Variants in FLNA observed in about 807,000 individuals in gnomAD.
FLNA encodes the protein filamin A.
FLNA carries 7 observed loss-of-function variants against 157.6 expected under a neutral mutation model. The observed-to-expected ratio is 0.04, with a 90% confidence interval of 0.03 to 0.08. FLNA has a LOEUF of 0.08. FLNA is among the 10% of genes least tolerant of loss of function. The pLI is 1.00. For synonymous variants in FLNA, 1,103 were observed against 1,060.8 expected (o/e 1.04, Z -0.77); for missense variants, 1,750 against 2,398.4 (o/e 0.73, Z 5.65).
intron 41 of FLNA, 34 bp from the exon 42 acceptor site, chrX:154,352,055 G>A: frequency 8.3e-7 from 1 of 1,210,985 alleles, no homozygotes; most frequent in Non-Finnish European, 1.1e-6. Flanking sequence ...ACTGAAGGCT[G>A]CTTCACCAGC....
rs782255729 is a variant in FLNA, at chrX:154,359,462, G to A, written c.4142+22C>T. 30 of 1,210,366 alleles carry A rather than the reference G, an allele frequency of 2.5e-5. No individual in the cohort carries two copies. The East Asian group carries it at 5.0e-4, about 20-fold the overall frequency. ...GGGTTCCCAGGCCCACCAGCCACAC[G>A]GGCTCCTGGGGGCTCCCTTACCTGG... is the stretch of plus-strand genomic sequence containing the variant. On this transcript the variant is annotated intron_variant, in intron 24 of 47. Transcript: ENST00000369850.
chrX:154,373,458 G>A (rs782740750), intron 1 of FLNA, among the ~76,000 whole-genome samples: 43 of 112,480 alleles, frequency 3.8e-4, no homozygotes, highest in South Asian at 1.8e-3. Context: ...AGTATCAACC[G>A]CCAGATGTCG....
rs782087483 is a variant in FLNA at position 154,348,957 on chromosome X, C to T, written c.7836G>A (p.Arg2612=). Residue 2612 remains arginine (R), a synonymous_variant, in exon 48 of 48, where the codon CGG becomes CGA. Coordinates refer to ENST00000369850, the MANE Select transcript of FLNA (RefSeq NM_001110556.2). ...EEILVKHVGS[R]LYSVSYLLKD... ...TGAGCAGGTAGGACACGCTGTAGAGCCGGCTGCCCACGTGCTTCACCAGGA... is the reference window on the plus strand; with the variant it reads ...TGAGCAGGTAGGACACGCTGTAGAGTCGGCTGCCCACGTGCTTCACCAGGA... The T allele has an allele frequency of 9.9e-6, 12 of 1,209,727 alleles. No homozygotes were observed. Among genetic ancestry groups the T allele is most frequent in the African/African-American group, 3.5e-5 (2 of 57,322 alleles).
chrX:154,367,775 A>G (rs1312174391), intron 3 of FLNA, 37 bp from the exon 4 acceptor site: 10 of 1,210,520 alleles, frequency 8.3e-6, no homozygotes, highest in Non-Finnish European at 1.1e-5. Flanking sequence ...TGGGGGCCGC[A>G]GAACCCCCTC....
At position 154,354,598 on chromosome X, in the gene FLNA, T is replaced by C. The variant is rs782356153; in HGVS notation, c.5313+18A>G. The C allele has an allele frequency of 2.5e-6, 3 of 1,191,530 alleles. No homozygotes were observed. The highest frequency in any genetic ancestry group is 2.3e-6 in the Non-Finnish European group (2 of 883,952). ...CCCAGCTGGCTAGCCCCAGTGTCCC[T>C]AGCTGGCCAGGCCGTACCCAAGTCT... On this transcript the variant is annotated intron_variant, in intron 32 of 47. Transcript: ENST00000369850.
Position 154,367,824 on chromosome X carries a change from G to T in FLNA, c.622+18C>A, listed in dbSNP as rs376869607. Reference sequence around the variant, plus strand: ...GGGTGACCCCAGCCCAGTCTCTCCTGCCTCTGCGCCCCCTCACCCGGGGCA... The same window carrying T: ...GGGTGACCCCAGCCCAGTCTCTCCTTCCTCTGCGCCCCCTCACCCGGGGCA... On this transcript the variant is annotated intron_variant, in intron 3 of 47. Transcript: ENST00000369850. 3.3e-6 allele frequency: 4 copies of T among 1,208,876 alleles called. No homozygotes were observed. In the African/African-American group the frequency reaches 7.0e-5, roughly 21 times the overall value.
At position 154,371,196 on chromosome X, in the gene FLNA, G is replaced by A. The variant is rs1057524770; in HGVS notation, c.50C>T (p.Pro17Leu). 4 of 1,196,812 alleles carry A rather than the reference G, an allele frequency of 3.3e-6. No homozygotes were observed. Among genetic ancestry groups the A allele is most frequent in the Non-Finnish European group, 4.5e-6 (4 of 888,674 alleles). Reference sequence around the variant, plus strand: ...GTCCCGCGTGTCGACGCCGCCGCCCGGAGCCGCGCCTGCTGCGCTCTGGCC... The same window carrying A: ...GTCCCGCGTGTCGACGCCGCCGCCCAGAGCCGCGCCTGCTGCGCTCTGGCC... ...RAGQSAAGAA[P>L]GGGVDTRDAE... is the part of the protein sequence containing the mutation. The change falls in exon 2 of 48, where the codon CCG (proline) becomes CTG (leucine). Residue 17 changes from proline to leucine, a missense_variant. Transcript: ENST00000369850.
chrX:154,358,089 C>A, intron 28 of FLNA, 110 bp downstream of exon 28: 1 of 916,594 alleles, frequency 1.1e-6, no homozygotes, highest in Non-Finnish European at 1.6e-6. Flanking sequence ...CCCTGTCCTT[C>A]CCTGCCCTCC....
chrX:154,365,105 G>T, intron 11 of FLNA, 31 bp downstream of exon 11: 2 of 1,211,252 alleles, frequency 1.7e-6, no homozygotes, highest in Non-Finnish European at 2.2e-6. Context: ...AGAGTGTGCA[G>T]AGCTGGGAGA....
intron 39 of FLNA, 25 bp downstream of exon 39, chrX:154,352,747 G>A: frequency 1.7e-6 from 2 of 1,211,375 alleles, no homozygotes; most frequent in East Asian, 3.0e-5. Context: ...AGTGAGGGGG[G>A]CTGCCGAGGC....
chrX:154,359,477 C>T lies in FLNA; in HGVS notation c.4142+7G>A, dbSNP rs1557177502. 1.7e-6 allele frequency: 2 copies of T among 1,211,653 alleles called. No individual in the cohort carries two copies. The highest frequency in any genetic ancestry group is 2.2e-6 in the Non-Finnish European group (2 of 895,495). On this transcript the variant is annotated splice_region_variant and intron_variant, in intron 24 of 47. Coordinates refer to ENST00000369850, the MANE Select transcript of FLNA (RefSeq NM_001110556.2). ...CCAGCCACACGGGCTCCTGGGGGCT[C>T]CCTTACCTGGTCTCCACAGTGAACT... is the stretch of plus-strand genomic sequence containing the variant.
In FLNA at chrX:154,353,742, G is replaced by A. The variant is rs782329142; in HGVS notation, c.5687-15C>T. The A allele has an allele frequency of 2.5e-6, 3 of 1,203,344 alleles. No individual in the cohort carries two copies. The highest frequency in any genetic ancestry group is 1.7e-5 in the African/African-American group (1 of 57,371). On this transcript the variant is annotated splice_polypyrimidine_tract_variant and intron_variant, in intron 35 of 47. Transcript: ENST00000369850. ...AGACAGGCCCCCTGGAGAGAGCCGT[G>A]GGTGAGCATGGGAACTATGCTGGGG...
At position 154,350,419 on chromosome X, in the gene FLNA, G is replaced by A. The variant is rs782556881; in HGVS notation, c.7157-212C>T. 15 of 441,692 alleles carry A rather than the reference G, an allele frequency of 3.4e-5. 1 individual carries two copies. Among genetic ancestry groups the A allele is most frequent in the South Asian group, 1.3e-4 (4 of 30,024 alleles). 36.4% of individuals were successfully genotyped at this position (441,692 alleles called of 1,213,427 possible). On this transcript the variant is annotated intron_variant, in intron 44 of 47. Coordinates refer to ENST00000369850, the MANE Select transcript of FLNA (RefSeq NM_001110556.2). ...GCCCACCGTCAGGGTGCATTGGGACGGAAATCTTTTACAAGCCAAACCCAG... is the reference window on the plus strand; with the variant it reads ...GCCCACCGTCAGGGTGCATTGGGACAGAAATCTTTTACAAGCCAAACCCAG...
Position 154,357,462 on chromosome X carries a change from G to A in FLNA, c.4917C>T (p.Thr1639=), listed in dbSNP as rs370608721. The change falls in exon 29 of 48, where the codon ACC becomes ACT. Residue 1639 remains threonine (T), a synonymous_variant. Transcript: ENST00000369850. ...TGACAGTGCACTTGCTGGCGTCCCC[G>A]GTGGGCACGGCACGCACGCGGTACG... The part of the protein sequence containing the change: ...FSPYRVRAVP[T]GDASKCTVTV... 3.7e-5 allele frequency: 45 copies of A among 1,208,679 alleles called. No individual in the cohort carries two copies. Among genetic ancestry groups the A allele is most frequent in the East Asian group, 5.9e-5 (2 of 33,733 alleles).
At chrX:154,363,244 C>T (rs1005750933) in intron 15 of FLNA, among the ~76,000 whole-genome samples, 2 of 110,566 alleles carry the variant, frequency 1.8e-5, no homozygotes, top group African/African-American at 6.6e-5. Context: ...TGGAGAAACC[C>T]CGTCTCTACT....
Position 154,361,735 on chromosome X carries a change from G to C in FLNA, c.2879C>G (p.Pro960Arg). The change falls in exon 20 of 48, where the codon CCT becomes CGT. Residue 960 changes from proline to arginine, a missense_variant. Pro to Arg is a moderately radical substitution (Grantham distance 103, BLOSUM62 -2). This residue lies in a region of FLNA where 648 missense variants were observed against 805.8 expected (regional missense o/e 0.80). Transcript: ENST00000369850. Reference protein sequence around the residue: ...TYGGDPIPKSPFSVAVSPSLD... With the variant: ...TYGGDPIPKSRFSVAVSPSLD... ...GCTTGGAGATACTGCCACTGAGAAA[G>C]GGCTCTTAGGGATGGGATCCCCTCC... The C allele has an allele frequency of 1.7e-6, 2 of 1,210,519 alleles. No individual in the cohort carries two copies. The highest frequency in any genetic ancestry group is 2.2e-6 in the Non-Finnish European group (2 of 894,810).
intron 1 of FLNA, 31 bp from the exon 2 acceptor site, chrX:154,371,392 G>T: frequency 1.3e-6 from 1 of 744,703 alleles, no homozygotes; most frequent in Non-Finnish European, 1.9e-6. Flanking sequence ...TTAAATGCGG[G>T]AGGAGGGCGG....
intron 21 of FLNA, among the ~76,000 whole-genome samples, chrX:154,360,874 T>C (rs1315204605): frequency 1.9e-5 from 2 of 107,648 alleles, no homozygotes; most frequent in Admixed American, 9.9e-5. Flanking sequence ...TGGTGAAATC[T>C]CGTCTCTACT....
Position 154,365,338 on chromosome X carries a change from G to A in FLNA, c.1567+11C>T. 3.3e-6 allele frequency: 4 copies of A among 1,212,052 alleles called. No individual in the cohort carries two copies. The highest frequency in any genetic ancestry group is 3.3e-6 in the Non-Finnish European group (3 of 895,593). On this transcript the variant is annotated intron_variant, in intron 10 of 47. Transcript: ENST00000369850. ...CGCCACCCATCCTGGCCTGGCTCCA[G>A]GCCAACTTACTGGGGCCCTTCACGG...
Sources: allele counts gnomAD v4.1 joint callset (sites outside exome capture counted in the v4.1 genomes callset), GRCh38; gene constraint gnomAD v4.1.1; regional missense constraint gnomAD v4.1.1; transcripts MANE v1.5; gene names NCBI Gene and HGNC (gene_info 2026-07-23, HGNC 2026-07-21).